Variants in CDC42SE2 observed in about 807,000 individuals in gnomAD.
CDC42SE2 encodes the protein CDC42 small effector protein 2.
CDC42SE2 carries 3 observed loss-of-function variants against 11.5 expected under a neutral mutation model. That is an observed-to-expected ratio of 0.26 (90% CI 0.12 to 0.67). The LOEUF (loss-of-function observed/expected upper bound fraction) is 0.67. CDC42SE2 is among the 30% of genes least tolerant of loss of function. CDC42SE2 has a pLI of 0.80. For synonymous variants in CDC42SE2, 33 were observed against 34.8 expected, an observed-to-expected ratio of 0.95 and a Z score of 0.18; for missense variants, 82 against 106.8, an observed-to-expected ratio of 0.77 and a Z score of 1.02.
chr5:131,388,382 A>G (rs1750551841), intron 4 of CDC42SE2, among the ~76,000 whole-genome samples: 1 of 152,242 alleles, frequency 6.6e-6, no homozygotes, highest in Non-Finnish European at 1.5e-5. Flanking sequence ...ATGCAATGCA[A>G]TAATAAATAA....
intron 1 of CDC42SE2, among the ~76,000 whole-genome samples, chr5:131,284,345 GC>G (rs1757298704): frequency 6.6e-6 from 1 of 152,104 alleles, no homozygotes; most frequent in Admixed American, 6.6e-5. Context: ...AGGTACATCT[GC>G]ATATATCTTT....
At chr5:131,344,338 C>T (rs553980656) in intron 2 of CDC42SE2, among the ~76,000 whole-genome samples, 1 of 152,328 alleles carries the variant, frequency 6.6e-6, no homozygotes, top group Middle Eastern at 3.4e-3. Flanking sequence ...GCAAAAGGCA[C>T]ACCAGGAGAT....
chr5:131,381,206 C>T (rs1473100746), intron 3 of CDC42SE2, among the ~76,000 whole-genome samples: 1 of 152,156 alleles, frequency 6.6e-6, no homozygotes, highest in Non-Finnish European at 1.5e-5. Flanking sequence ...TTTGGATTCT[C>T]TCAGAACCCA....
At chr5:131,298,798 C>T (rs1281160978) in intron 1 of CDC42SE2, among the ~76,000 whole-genome samples, 1 of 152,058 alleles carries the variant, frequency 6.6e-6, no homozygotes, top group Non-Finnish European at 1.5e-5. Context: ...ATCTGACACC[C>T]AGAATTGAAT....
intron 2 of CDC42SE2, among the ~76,000 whole-genome samples, chr5:131,340,198 A>G (rs987513536): frequency 2.6e-5 from 4 of 152,196 alleles, no homozygotes; most frequent in African/African-American, 9.7e-5. Context: ...CTTTGGTTTC[A>G]GTTTTTGGCC....
the CDC42SE2 span, among the ~76,000 whole-genome samples, chr5:131,230,139 C>A: frequency 6.8e-6 from 1 of 147,154 alleles, no homozygotes; most frequent in South Asian, 2.1e-4. Context: ...GAGCATCCTA[C>A]TTGTTCTAAT....
the CDC42SE2 span, among the ~76,000 whole-genome samples, chr5:131,221,520 C>CA: frequency 1.2e-4 from 17 of 145,720 alleles, no homozygotes; most frequent in African/African-American, 3.5e-4. Context: ...TACAAAATAC[C>CA]AAAAAAAAAG....
intron 4 of CDC42SE2, among the ~76,000 whole-genome samples, chr5:131,389,669 T>A (rs1412794855): frequency 6.6e-6 from 1 of 152,250 alleles, no homozygotes; most frequent in African/African-American, 2.4e-5. Flanking sequence ...GGAAAGCACC[T>A]CACCCTTCAT....
intron 2 of CDC42SE2, among the ~76,000 whole-genome samples, chr5:131,329,695 A>G (rs1165845882): frequency 1.3e-5 from 2 of 151,836 alleles, no homozygotes; most frequent in Non-Finnish European, 2.9e-5. Context: ...CCTGGCCCAC[A>G]TGGTGAAACC....
At chr5:131,230,758 G>A in the CDC42SE2 span, among the ~76,000 whole-genome samples, 1 of 152,150 alleles carries the variant, frequency 6.6e-6, no homozygotes, top group Non-Finnish European at 1.5e-5. Flanking sequence ...CTTCACATTA[G>A]GGAGTTTCTG....
Position 131,311,771 on chromosome 5 carries a change from T to G in CDC42SE2, c.-454-4205T>G, listed in dbSNP as rs189889251. ...GCTTCTGCATTCTTCCCGTAGTTCT[T>G]GAGCTTTGGTTTTCAGCTCCATCAG... is the stretch of plus-strand genomic sequence containing the variant. On this transcript the variant is annotated intron_variant, in intron 1 of 4. Transcript: ENST00000505065. Among the ~76,000 whole-genome samples, 628 of 152,322 alleles carry G rather than the reference T, an allele frequency of 4.1e-3. 4 individuals are homozygous for G. The highest frequency in any genetic ancestry group is 0.013 in the African/African-American group (544 of 41,582).
At chr5:131,266,372 A>G (rs1476832098) in intron 1 of CDC42SE2, among the ~76,000 whole-genome samples, 2 of 151,926 alleles carry the variant, frequency 1.3e-5, no homozygotes, top group Non-Finnish European at 2.9e-5. Flanking sequence ...GTTAATGCTT[A>G]TAATACTTAA....
chr5:131,323,428 A>G (rs955807306), intron 2 of CDC42SE2, among the ~76,000 whole-genome samples: 2 of 151,838 alleles, frequency 1.3e-5, no homozygotes, highest in African/African-American at 4.8e-5. Context: ...CAGTTTTATT[A>G]CTAAAAAATA....
rs538164626 is a variant in CDC42SE2 at position 131,266,615 on chromosome 5, A to G, written c.-455+2449A>G. 7.2e-5 allele frequency among the ~76,000 whole-genome samples: 11 copies of G among 151,908 alleles called. No homozygotes were observed. The East Asian group carries it at 1.9e-3, about 27-fold the overall frequency. On this transcript the variant is annotated intron_variant, in intron 1 of 4. Transcript: ENST00000505065. ...GCTGGGATTACAGACATGCGCCACT[A>G]TGCCCTATTTTTTGTATTTTCAAAA...
intron 1 of CDC42SE2, among the ~76,000 whole-genome samples, chr5:131,254,567 G>A (rs6867201): frequency 0.2 from 30,098 of 151,262 alleles, 7,831 homozygotes; most frequent in African/African-American, 0.61. Context: ...GAGACAGAAA[G>A]AAAAAGAAAG....
At chr5:131,236,509 C>T in the CDC42SE2 span, among the ~76,000 whole-genome samples, 1 of 152,072 alleles carries the variant, frequency 6.6e-6, no homozygotes, top group South Asian at 2.1e-4. Flanking sequence ...TCACTGCAGT[C>T]TCCGCTTCCT....
chr5:131,356,051 C>A lies in CDC42SE2; in HGVS notation c.-285-3158C>A, dbSNP rs184888211. Among the ~76,000 whole-genome samples, 154 of 152,284 alleles carry A rather than the reference C, an allele frequency of 1.0e-3. 1 individual carries two copies. The highest frequency in any genetic ancestry group is 2.5e-4 in the Non-Finnish European group (17 of 68,022). ...GGATAAGCTATTTAATGACCAAGTT[C>A]CATGATGTTCTCTTTAAAAGTCCCT... On this transcript the variant is annotated intron_variant, in intron 2 of 4. Transcript: ENST00000505065.
chr5:131,277,846 G>A (rs1006241542), intron 1 of CDC42SE2, among the ~76,000 whole-genome samples: 4 of 152,050 alleles, frequency 2.6e-5, no homozygotes, highest in Non-Finnish European at 5.9e-5. Flanking sequence ...TTGAAATTAT[G>A]TGTTTTTTAA....
At chr5:131,345,977 C>A (rs1336863424) in intron 2 of CDC42SE2, among the ~76,000 whole-genome samples, 1 of 152,198 alleles carries the variant, frequency 6.6e-6, no homozygotes, top group African/African-American at 2.4e-5. Flanking sequence ...CCAGGCCTCC[C>A]TTACAAGAGC....
Sources: allele counts gnomAD v4.1 joint callset (sites outside exome capture counted in the v4.1 genomes callset), GRCh38; gene constraint gnomAD v4.1.1; transcripts MANE v1.5; gene names NCBI Gene and HGNC (gene_info 2026-07-23, HGNC 2026-07-21).